Variants in CLNK observed in about 807,000 individuals in gnomAD.
CLNK encodes cytokine dependent hematopoietic cell linker, also known as cytokine-dependent hematopoietic cell linker.
A neutral mutation model predicts 68.6 loss-of-function variants in CLNK; 74 were observed. The ratio of observed to expected loss-of-function variants is 1.08; its 90% CI spans 0.89 to 1.31. The LOEUF is 1.31. Ranked by LOEUF, CLNK falls within the 50% of genes most tolerant of loss-of-function variation. The probability of loss-of-function intolerance (pLI) is 0.00; values close to 1 mark genes in which losing one functional copy is unlikely to be tolerated. For missense variants in CLNK, 553 were observed against 515.3 expected (o/e 1.07, Z -0.71); for synonymous variants, 198 against 172.2 (o/e 1.15, Z -1.17).
At chr4:10,504,456 A>G (rs375326589) in intron 17 of CLNK, among the ~76,000 whole-genome samples, 3 of 152,142 alleles carry the variant, frequency 2.0e-5, no homozygotes, top group African/African-American at 4.8e-5. Flanking sequence ...ATATTGTTGG[A>G]AAAATTTTAG....
At chr4:10,715,199 C>A in the CLNK span, among the ~76,000 whole-genome samples, 3 of 152,242 alleles carry the variant, frequency 2.0e-5, no homozygotes, top group Admixed American at 1.3e-4. Context: ...CACTGGGGAC[C>A]TTGTTAGCAA....
At chr4:10,509,943 G>C (rs1416935943) in intron 16 of CLNK, among the ~76,000 whole-genome samples, 1 of 152,212 alleles carries the variant, frequency 6.6e-6, no homozygotes, top group African/African-American at 2.4e-5. Context: ...AGGCTCTAGA[G>C]ACAAAGGAAG....
chr4:10,694,959 G>T, the CLNK span, among the ~76,000 whole-genome samples: 4 of 152,176 alleles, frequency 2.6e-5, no homozygotes, highest in African/African-American at 7.2e-5. Flanking sequence ...TCCATATCTT[G>T]CCTACTGTGA....
chr4:10,540,632 G>C (rs1243254253), intron 10 of CLNK, 28 bp from the exon 11 acceptor site: 5 of 1,529,756 alleles, frequency 3.3e-6, no homozygotes, highest in Non-Finnish European at 4.5e-6. Context: ...GTAGGGTCCT[G>C]AGAAAGTTTG....
the CLNK span, among the ~76,000 whole-genome samples, chr4:10,699,293 C>CATACACACCACGTATGTGTGTAT: frequency 6.4e-5 from 1 of 15,664 alleles, no homozygotes; most frequent in Non-Finnish European, 1.5e-4. Context: ...TACGTGTATA[C>CATACACACCACGTATGTGTGTAT]ACACACACAC....
At chr4:10,699,492 C>CTATATATATA in the CLNK span, among the ~76,000 whole-genome samples, 10 of 59,546 alleles carry the variant, frequency 1.7e-4, no homozygotes, top group East Asian at 5.3e-4. Flanking sequence ...CTCTCTCTCT[C>CTATATATATA]TCTATATATA....
chr4:10,625,569 C>T (rs915058312), intron 2 of CLNK, among the ~76,000 whole-genome samples: 2 of 151,982 alleles, frequency 1.3e-5, no homozygotes. Flanking sequence ...GAAGGACAGA[C>T]ACAGAGAGAT....
At chr4:10,693,074 A>C in the CLNK span, among the ~76,000 whole-genome samples, 4 of 152,172 alleles carry the variant, frequency 2.6e-5, no homozygotes, top group Non-Finnish European at 5.9e-5. Context: ...AGAAGCACTG[A>C]TTCTGGGCCA....
the CLNK span, among the ~76,000 whole-genome samples, chr4:10,707,736 C>T: frequency 7.2e-5 from 11 of 152,266 alleles, no homozygotes; most frequent in African/African-American, 2.2e-4. Context: ...CTGAGGCACC[C>T]CTTCTTGTGC....
At chr4:10,575,503 G>C (rs2108830856) in intron 4 of CLNK, among the ~76,000 whole-genome samples, 1 of 152,348 alleles carries the variant, frequency 6.6e-6, no homozygotes, top group South Asian at 2.1e-4. Context: ...ACCACTCCTG[G>C]CACCTGGTAT....
intron 2 of CLNK, among the ~76,000 whole-genome samples, chr4:10,640,342 T>C (rs1197503904): frequency 6.6e-6 from 1 of 152,200 alleles, no homozygotes; most frequent in Non-Finnish European, 1.5e-5. Context: ...CTTTTGTATT[T>C]TTTGTAGAGG....
intron 11 of CLNK, among the ~76,000 whole-genome samples, chr4:10,535,213 G>GAGATAGAAAGAA (rs1553847856): frequency 4.6e-5 from 6 of 131,298 alleles, no homozygotes; most frequent in African/African-American, 1.7e-4. Flanking sequence ...AAGAAAGAAA[G>GAGATAGAAAGAA]AGAAAGAAAG....
At chr4:10,723,965 A>C in the CLNK span, among the ~76,000 whole-genome samples, 14 of 104,754 alleles carry the variant, frequency 1.3e-4, no homozygotes, top group East Asian at 4.8e-3. Flanking sequence ...TGGGTGGGAT[A>C]TATGAGTTTG....
chr4:10,595,759 A>G (rs1721360474), intron 3 of CLNK, among the ~76,000 whole-genome samples: 1 of 152,166 alleles, frequency 6.6e-6, no homozygotes, highest in Admixed American at 6.5e-5. Context: ...CCTCTAGGGA[A>G]GTTATTCACC....
At chr4:10,583,802 A>C (rs1489474585) in intron 4 of CLNK, among the ~76,000 whole-genome samples, 2 of 152,152 alleles carry the variant, frequency 1.3e-5, no homozygotes, top group African/African-American at 4.8e-5. Flanking sequence ...TGCCTTAACC[A>C]AGGTGGGGAG....
intron 18 of CLNK, among the ~76,000 whole-genome samples, chr4:10,499,000 C>A (rs1716925652): frequency 1.4e-5 from 2 of 138,708 alleles, no homozygotes; most frequent in South Asian, 5.4e-4. Context: ...CCTTTTTCTC[C>A]TGTTTTCCTT....
the CLNK span, among the ~76,000 whole-genome samples, chr4:10,695,868 T>G: frequency 2.0e-5 from 3 of 152,030 alleles, no homozygotes; most frequent in African/African-American, 7.2e-5. Context: ...GAGCTTTTTT[T>G]TTTTTTTGAC....
the CLNK span, among the ~76,000 whole-genome samples, chr4:10,721,407 A>T: frequency 6.6e-6 from 1 of 152,220 alleles, no homozygotes; most frequent in African/African-American, 2.4e-5. Context: ...CTGAAATTTT[A>T]AAAGTTTATT....
intron 2 of CLNK, among the ~76,000 whole-genome samples, chr4:10,602,462 G>A (rs1460518212): frequency 6.6e-6 from 1 of 152,196 alleles, no homozygotes; most frequent in Non-Finnish European, 1.5e-5. Context: ...TGAGGAGGCT[G>A]TGGAAAAGAC....
Sources: gnomAD v4.1 joint callset for allele counts (sites outside exome capture counted in the v4.1 genomes callset) on GRCh38, gnomAD v4.1.1 for gene constraint, MANE v1.5 for transcripts, NCBI Gene and HGNC (gene_info 2026-07-23, HGNC 2026-07-21) for gene names.